The following CSGALNACT1 variants were observed in gnomAD, a reference collection of about 807,000 sequenced individuals.
The protein encoded by CSGALNACT1 is chondroitin sulfate N-acetylgalactosaminyltransferase 1, also known as beta4GalNAcT-1.
CSGALNACT1 carries 52 observed loss-of-function variants against 51.0 expected under a neutral mutation model. That is an observed-to-expected ratio of 1.02 (90% CI 0.82 to 1.29). The LOEUF (loss-of-function observed/expected upper bound fraction) is 1.29, where lower values mean the gene tolerates loss of function less well. CSGALNACT1 is among the 50% of genes most tolerant of loss of function. CSGALNACT1 has a pLI of 0.00. For synonymous variants in CSGALNACT1, 341 were observed against 254.4 expected (o/e 1.34, Z -3.24); for missense variants, 935 against 679.2 (o/e 1.38, Z -4.19).
intron 3 of CSGALNACT1, among the ~76,000 whole-genome samples, chr8:19,587,325 T>A (rs1356501036): frequency 6.6e-6 from 1 of 152,220 alleles, no homozygotes; most frequent in Non-Finnish European, 1.5e-5. Context: ...GGTAGTGAGC[T>A]GTAAGCAAAA....
chr8:19,464,963 A>G (rs777980232), intron 4 of CSGALNACT1, among the ~76,000 whole-genome samples: 1 of 152,190 alleles, frequency 6.6e-6, no homozygotes, highest in Non-Finnish European at 1.5e-5. Context: ...TAGAAATACC[A>G]TATGATTCAG....
chr8:19,682,831 G>A (rs1589493660), upstream of CSGALNACT1: 1 of 433,034 alleles, frequency 2.3e-6, no homozygotes, highest in Admixed American at 2.4e-5. Flanking sequence ...ATCCTGTTCT[G>A]CAATCAGGGC....
Position 19,480,962 on chromosome 8 carries a change from G to C in CSGALNACT1, c.635-22320C>G, listed in dbSNP as rs111733865. 3.0e-3 allele frequency among the ~76,000 whole-genome samples: 464 copies of C among 152,268 alleles called. 6 individuals carry two copies. The highest frequency in any genetic ancestry group is 0.011 in the African/African-American group (443 of 41,544). On this transcript the variant is annotated intron_variant, in intron 4 of 9. Coordinates refer to ENST00000454498, the Ensembl canonical transcript of CSGALNACT1. ...CTGCTGTTTTGGCTCTCCTACGAGA[G>C]TGAGGGATCCTAGGTCTGTGTACTT...
chr8:19,717,807 C>T (rs945853158), intron 1 of CSGALNACT1, among the ~76,000 whole-genome samples: 1 of 152,168 alleles, frequency 6.6e-6, no homozygotes, highest in Admixed American at 6.5e-5. Context: ...TAACCCTAGT[C>T]TTGGCTAGGC....
chr8:19,477,083 A>T (rs904504899), intron 4 of CSGALNACT1, among the ~76,000 whole-genome samples: 6 of 152,248 alleles, frequency 3.9e-5, no homozygotes, highest in Non-Finnish European at 7.3e-5. Flanking sequence ...GTAATTGATC[A>T]TTACTGGCAG....
intron 4 of CSGALNACT1, among the ~76,000 whole-genome samples, chr8:19,490,093 A>G (rs1033102869): frequency 2.0e-5 from 3 of 152,218 alleles, no homozygotes; most frequent in Non-Finnish European, 4.4e-5. Context: ...TTCGAGTATA[A>G]CAGCCAGCAA....
At chr8:19,440,981 GAATAA>G (rs2061243160) in intron 5 of CSGALNACT1, among the ~76,000 whole-genome samples, 1 of 152,110 alleles carries the variant, frequency 6.6e-6, no homozygotes, top group Non-Finnish European at 1.5e-5. Flanking sequence ...GCTTCAAAGA[GAATAA>G]AATACCTAGG....
intron 3 of CSGALNACT1, among the ~76,000 whole-genome samples, chr8:19,506,430 G>A (rs931123952): frequency 2.0e-5 from 3 of 152,212 alleles, no homozygotes; most frequent in African/African-American, 7.2e-5. Flanking sequence ...TCTGTATCTG[G>A]TAATTTCTGC....
intron 6 of CSGALNACT1, among the ~76,000 whole-genome samples, chr8:19,438,695 A>C (rs2060797848): frequency 6.6e-6 from 1 of 152,240 alleles, no homozygotes; most frequent in Non-Finnish European, 1.5e-5. Context: ...AATAATATGT[A>C]AACAAACGGG....
chr8:19,722,028 T>G (rs1055440215), intron 1 of CSGALNACT1, among the ~76,000 whole-genome samples: 1 of 151,708 alleles, frequency 6.6e-6, no homozygotes, highest in African/African-American at 2.4e-5. Context: ...AATTTCATAT[T>G]GAATTTTTTT....
At chr8:19,660,303 C>A (rs1385716845) in intron 1 of CSGALNACT1, among the ~76,000 whole-genome samples, 2 of 152,208 alleles carry the variant, frequency 1.3e-5, no homozygotes, top group Non-Finnish European at 2.9e-5. Context: ...ACCAGACAAA[C>A]TTGAGTTACA....
chr8:19,418,600 G>T (rs2057335654), intron 8 of CSGALNACT1, 56 bp downstream of exon 7: 1 of 1,131,036 alleles, frequency 8.8e-7, no homozygotes, highest in East Asian at 2.4e-5. Flanking sequence ...GGTACCCCTG[G>T]TAATGACAGA....
chr8:19,700,279 T>A (rs1172207428), intron 1 of CSGALNACT1, among the ~76,000 whole-genome samples: 1 of 152,046 alleles, frequency 6.6e-6, no homozygotes, highest in African/African-American at 2.4e-5. Flanking sequence ...TGTGTGATCT[T>A]CCTAGACAGC....
At chr8:19,624,819 T>C (rs755933682) in intron 1 of CSGALNACT1, among the ~76,000 whole-genome samples, 3 of 152,108 alleles carry the variant, frequency 2.0e-5, no homozygotes, top group Non-Finnish European at 2.9e-5. Context: ...GCTGGCATTA[T>C]AGGCATACAC....
chr8:19,648,232 C>T (rs572034103), intron 1 of CSGALNACT1, among the ~76,000 whole-genome samples: 1 of 152,156 alleles, frequency 6.6e-6, no homozygotes, highest in African/African-American at 2.4e-5. Flanking sequence ...TCCAAAGAAT[C>T]TAGCAACATT....
intron 1 of CSGALNACT1, among the ~76,000 whole-genome samples, chr8:19,655,149 T>C (rs1191411622): frequency 1.3e-5 from 2 of 152,160 alleles, no homozygotes; most frequent in Non-Finnish European, 2.9e-5. Context: ...TTTCCTGGAA[T>C]GGTGCAAAGA....
At chr8:19,417,495 C>T (rs1298777466) in intron 8 of CSGALNACT1, among the ~76,000 whole-genome samples, 3 of 152,176 alleles carry the variant, frequency 2.0e-5, no homozygotes, top group Non-Finnish European at 4.4e-5. Flanking sequence ...CACACAAAGT[C>T]AATCCTCAAA....
At chr8:19,468,192 C>T (rs768736440) in intron 4 of CSGALNACT1, among the ~76,000 whole-genome samples, 13 of 151,968 alleles carry the variant, frequency 8.6e-5, no homozygotes, top group Non-Finnish European at 1.3e-4. Context: ...TTTACCAGAA[C>T]TGAAGACTGA....
intron 6 of CSGALNACT1, among the ~76,000 whole-genome samples, chr8:19,434,401 C>T (rs1299645112): frequency 6.6e-6 from 1 of 152,044 alleles, no homozygotes; most frequent in Admixed American, 6.6e-5. Context: ...AACATTTTAC[C>T]ACATTTGCTT....
Sources: allele counts gnomAD v4.1 joint callset (sites outside exome capture counted in the v4.1 genomes callset), GRCh38; gene constraint gnomAD v4.1.1; transcripts MANE v1.5; gene names NCBI Gene and HGNC (gene_info 2026-07-23, HGNC 2026-07-21).